NRG1: variants seen among roughly 807,000 people sequenced by gnomAD.
The protein encoded by NRG1 is neuregulin 1.
Under a neutral mutation model 63.8 loss-of-function variants are expected in NRG1, and 18 were observed. The observed-to-expected ratio is 0.28, with a 90% CI of 0.19 to 0.42. The LOEUF (loss-of-function observed/expected upper bound fraction) is 0.42, where lower values mean the gene tolerates loss of function less well. NRG1 is among the 10% of genes least tolerant of loss of function. The pLI is 1.00. For missense variants in NRG1, 762 were observed against 814.7 expected, an observed-to-expected ratio of 0.94 and a Z score of 0.79; for synonymous variants, 302 against 301.3, an observed-to-expected ratio of 1.00 and a Z score of -0.02.
chr8:32,649,928 G>A (rs755045519), intron 5 of NRG1, among the ~76,000 whole-genome samples: 5 of 152,120 alleles, frequency 3.3e-5, no homozygotes, highest in Non-Finnish European at 5.9e-5. Flanking sequence ...AAAAAGAAGC[G>A]AAATTCACCA....
intron 3 of NRG1, among the ~76,000 whole-genome samples, chr8:32,611,471 T>C (rs564765386): frequency 2.0e-5 from 3 of 152,210 alleles, no homozygotes; most frequent in Middle Eastern, 3.4e-3. Flanking sequence ...ATGTATATTG[T>C]ATTATGTAGG....
chr8:31,681,869 C>T (rs1222926659), intron 1 of NRG1, among the ~76,000 whole-genome samples: 1 of 152,040 alleles, frequency 6.6e-6, no homozygotes, highest in Non-Finnish European at 1.5e-5. Context: ...AGCCTTCATC[C>T]CCACAAAAGG....
intron 5 of NRG1, among the ~76,000 whole-genome samples, chr8:32,618,378 T>A (rs1343128893): frequency 6.6e-6 from 1 of 152,162 alleles, no homozygotes; most frequent in African/African-American, 2.4e-5. Context: ...CTTAAGCATA[T>A]CTGAGCAGTT....
At chr8:32,682,461 C>T (rs1271331588) in intron 5 of NRG1, among the ~76,000 whole-genome samples, 2 of 152,106 alleles carry the variant, frequency 1.3e-5, no homozygotes, top group Non-Finnish European at 2.9e-5. Flanking sequence ...AAACCTTAGT[C>T]ATGAGTAAAA....
At chr8:32,171,274 C>G (rs1166523877) in intron 1 of NRG1, 1 of 152,140 alleles carries the variant, frequency 6.6e-6, no homozygotes, top group African/African-American at 2.4e-5. Context: ...ATGTGCAGAA[C>G]ATGCAGGTTT....
At chr8:32,146,726 TC>T (rs1200978748) in intron 1 of NRG1, among the ~76,000 whole-genome samples, 1 of 152,106 alleles carries the variant, frequency 6.6e-6, no homozygotes, top group Admixed American at 6.6e-5. Flanking sequence ...AATAATATTT[TC>T]TTTTTTTTTA....
intron 1 of NRG1, among the ~76,000 whole-genome samples, chr8:31,739,455 C>T (rs573871348): frequency 9.2e-5 from 14 of 151,976 alleles, no homozygotes; most frequent in Admixed American, 3.9e-4. Context: ...TAAGTGGTTC[C>T]GAGCTAATTT....
chr8:32,476,614 T>C (rs1270341387), intron 1 of NRG1, among the ~76,000 whole-genome samples: 1 of 152,222 alleles, frequency 6.6e-6, no homozygotes, highest in Non-Finnish European at 1.5e-5. Context: ...GGAAATTATA[T>C]GTTGGGTAGA....
intron 1 of NRG1, among the ~76,000 whole-genome samples, chr8:32,044,343 T>G (rs1419942046): frequency 6.6e-6 from 1 of 151,818 alleles, no homozygotes; most frequent in Non-Finnish European, 1.5e-5. Context: ...ACAGAAATAT[T>G]CACAATTATA....
intron 1 of NRG1, among the ~76,000 whole-genome samples, chr8:31,949,796 T>C (rs1297927913): frequency 6.6e-6 from 1 of 152,226 alleles, no homozygotes; most frequent in African/African-American, 2.4e-5. Flanking sequence ...TAAAATACCC[T>C]GGATATCTCT....
chr8:31,792,339 C>T lies in NRG1; in HGVS notation c.37+152908C>T, dbSNP rs528724603. ...ATTTTGTTATTTTCTAGTCCAGGCTCTTTGTTTTACACATGACAAAATAGA... is the reference window on the plus strand; with the variant it reads ...ATTTTGTTATTTTCTAGTCCAGGCTTTTTGTTTTACACATGACAAAATAGA... On this transcript the variant is annotated intron_variant, in intron 1 of 10. Coordinates refer to the NRG1 transcript ENST00000519301. Among the ~76,000 whole-genome samples the T allele has an allele frequency of 7.9e-5, 12 of 152,254 alleles. 1 individual carries two copies. The highest frequency in any genetic ancestry group is 2.6e-4 in the African/African-American group (11 of 41,552).
chr8:32,690,938 A>AGTGTGTGTGTGTGT (rs113081002), intron 5 of NRG1, among the ~76,000 whole-genome samples: 92 of 131,174 alleles, frequency 7.0e-4, no homozygotes, highest in African/African-American at 2.3e-3. Flanking sequence ...TTTCCCTCTC[A>AGTGTGTGTGTGTGT]GTGTGTGTGT....
chr8:31,719,002 C>T (rs1308218390), intron 1 of NRG1, among the ~76,000 whole-genome samples: 2 of 151,974 alleles, frequency 1.3e-5, no homozygotes, highest in African/African-American at 4.8e-5. Context: ...TACTTACTGC[C>T]CTTGGTTAAT....
intron 1 of NRG1, among the ~76,000 whole-genome samples, chr8:31,697,840 TTTTTC>T (rs1352312497): frequency 6.6e-6 from 1 of 152,054 alleles, no homozygotes. Flanking sequence ...GACTTGTACA[TTTTTC>T]TTTTCTTTTC....
intron 1 of NRG1, among the ~76,000 whole-genome samples, chr8:32,298,013 G>A (rs1855098041): frequency 6.6e-6 from 1 of 152,168 alleles, no homozygotes; most frequent in Non-Finnish European, 1.5e-5. Flanking sequence ...TTATCTGTGA[G>A]AACATCACTT....
intron 1 of NRG1, among the ~76,000 whole-genome samples, chr8:32,001,543 A>G (rs1444567011): frequency 6.6e-6 from 1 of 152,038 alleles, no homozygotes; most frequent in Non-Finnish European, 1.5e-5. Context: ...AGATATTGAT[A>G]TCAATTATTT....
At chr8:32,176,532 A>G (rs1304912946) in intron 1 of NRG1, among the ~76,000 whole-genome samples, 3 of 152,152 alleles carry the variant, frequency 2.0e-5, no homozygotes, top group African/African-American at 4.8e-5. Context: ...CCATCAGAGT[A>G]AACAGGCAGC....
At chr8:32,498,661 G>T (rs1827505894) in intron 1 of NRG1, among the ~76,000 whole-genome samples, 2 of 152,186 alleles carry the variant, frequency 1.3e-5, no homozygotes. Flanking sequence ...TTCAAGATGA[G>T]ATTTGGGTGG....
intron 1 of NRG1, among the ~76,000 whole-genome samples, chr8:31,784,625 GGA>G (rs1820007771): frequency 6.6e-6 from 1 of 151,976 alleles, no homozygotes; most frequent in African/African-American, 2.4e-5. Flanking sequence ...GTAGAATCTC[GGA>G]GAGTGCCAAA....
Sources: allele counts gnomAD v4.1 joint callset (sites outside exome capture counted in the v4.1 genomes callset), GRCh38; gene constraint gnomAD v4.1.1; transcripts MANE v1.5; gene names NCBI Gene and HGNC (gene_info 2026-07-23, HGNC 2026-07-21).